The following BAIAP2L2 variants were observed in gnomAD, a reference collection of about 807,000 sequenced individuals.
BAIAP2L2 encodes BAR/IMD domain-containing adapter protein 2-like 2.
A neutral mutation model predicts 60.4 loss-of-function variants in BAIAP2L2; 65 were observed. The observed-to-expected ratio is 1.08, with a 90% CI of 0.88 to 1.32. The LOEUF (loss-of-function observed/expected upper bound fraction) is 1.32, where lower values mean the gene tolerates loss of function less well. BAIAP2L2 is among the 40% of genes most tolerant of loss of function. BAIAP2L2 has a pLI of 0.00. For synonymous variants in BAIAP2L2, 344 were observed against 301.7 expected (o/e 1.14, Z -1.45); for missense variants, 836 against 741.2 (o/e 1.13, Z -1.48).
Position 38,110,635 on chromosome 22 carries a change from G to A in BAIAP2L2, c.-110C>T. 2.3e-6 allele frequency: 2 copies of A among 873,540 alleles called. No individual in the cohort carries two copies. The highest frequency in any genetic ancestry group is 2.8e-5 in the East Asian group (1 of 36,026). The allele number at this position is 873,540 out of a possible 1,614,324, so 54.1% of individuals were successfully genotyped here. A position where few individuals can be genotyped will look rare whatever the true frequency, so the allele number is the denominator to read the frequency against. The stretch of plus-strand genomic sequence containing the variant: ...TGCCCACGACTCAGCTGGCAGCGAG[G>A]AAGCCTCGGAGAGGGACCTGGAGAT... On this transcript the variant is annotated 5_prime_UTR_variant, in exon 1 of 14. Coordinates refer to ENST00000381669, the MANE Select transcript of BAIAP2L2 (RefSeq NM_025045.6).
In BAIAP2L2 at chr22:38,110,529, G is replaced by A. The variant is rs375747519; in HGVS notation, c.-4C>T. ...ACTGGTCCATCTCGGGGGCCATGGA[G>A]GGGCTGTCCCGGGTCTGAGCAGGAG... On this transcript the variant is annotated 5_prime_UTR_variant, in exon 1 of 14. Coordinates refer to ENST00000381669, the MANE Select transcript of BAIAP2L2 (RefSeq NM_025045.6). 27 of 1,609,988 alleles carry A rather than the reference G, an allele frequency of 1.7e-5. No individual in the cohort carries two copies. Among genetic ancestry groups the A allele is most frequent in the African/African-American group, 1.1e-4 (8 of 74,780 alleles).
At chr22:38,086,676 C>G (rs2086084860) in intron 11 of BAIAP2L2, among the ~76,000 whole-genome samples, 1 of 152,008 alleles carries the variant, frequency 6.6e-6, no homozygotes, top group Non-Finnish European at 1.5e-5. Context: ...TCTCCAGGGG[C>G]TGAAGGGGGC....
chr22:38,095,770 A>G (rs1180235636), intron 7 of BAIAP2L2, among the ~76,000 whole-genome samples: 1 of 152,188 alleles, frequency 6.6e-6, no homozygotes, highest in Non-Finnish European at 1.5e-5. Context: ...ATTTTTGGAA[A>G]ATAGGTGGAT....
At chr22:38,094,939 G>A (rs1481152330) in intron 7 of BAIAP2L2, among the ~76,000 whole-genome samples, 1 of 152,086 alleles carries the variant, frequency 6.6e-6, no homozygotes, top group African/African-American at 2.4e-5. Context: ...ATCACCTGAG[G>A]TCAGGAGTTC....
chr22:38,110,705 C>T (rs1444657549), upstream of BAIAP2L2: 5 of 574,798 alleles, frequency 8.7e-6, no homozygotes, highest in East Asian at 6.1e-5. Context: ...TTCACCAACT[C>T]GGGATGTCAG....
Position 38,089,593 on chromosome 22 carries a change from GGGAGTGGGCGCGCGACGGGCT to G in BAIAP2L2, c.673_693del (p.Ser225_Ser231del). The stretch of plus-strand genomic sequence containing the variant: ...CCCAGCGCGGGGCCCAGCAGGCCGG[GGGAGTGGGCGCGCGACGGGCT>G]GCGGCTGGCCTCAGACTGCTCCTTC... On this transcript the variant is annotated inframe_deletion, in exon 8 of 14. Transcript: ENST00000381669. The G allele has an allele frequency of 1.6e-6, 2 of 1,234,878 alleles. No individual in the cohort carries two copies. The highest frequency in any genetic ancestry group is 2.0e-6 in the Non-Finnish European group (2 of 991,020). The allele number at this position is 1,234,878 out of a possible 1,614,324, so 76.5% of individuals were successfully genotyped here.
chr22:38,107,338 C>T (rs1049797684), intron 4 of BAIAP2L2, among the ~76,000 whole-genome samples: 4 of 152,078 alleles, frequency 2.6e-5, no homozygotes, highest in Non-Finnish European at 5.9e-5. Context: ...AGCCCCGCAG[C>T]GGGGACACCA....
intron 7 of BAIAP2L2, chr22:38,090,098 C>CTTTTTTTT (rs2086248031): frequency 1.1e-5 from 1 of 89,108 alleles, no homozygotes; most frequent in African/African-American, 4.6e-5. Flanking sequence ...ATGGAAAATG[C>CTTTTTTTT]ATTTTTTTTT....
chr22:38,109,044 G>A (rs2086730832), intron 2 of BAIAP2L2, 89 bp downstream of exon 2: 3 of 1,124,530 alleles, frequency 2.7e-6, no homozygotes, highest in South Asian at 2.5e-5. Context: ...ATGAACAGGT[G>A]TGGGATGCAG....
At chr22:38,089,493 A>G (rs2086225497) in intron 8 of BAIAP2L2, 29 bp downstream of exon 8, 1 of 1,181,224 alleles carries the variant, frequency 8.5e-7, no homozygotes, top group Non-Finnish European at 1.0e-6. Flanking sequence ...CGGGGGCGCG[A>G]ACGGCGGCGG....
chr22:38,090,124 T>TTTATTTTTA (rs2086259271), intron 7 of BAIAP2L2: 2 of 93,376 alleles, frequency 2.1e-5, no homozygotes, highest in Non-Finnish European at 4.7e-5. Flanking sequence ...TTTTTTTTTT[T>TTTATTTTTA]TTTTTAGACG....
At chr22:38,089,451 G>C (rs1226858397) in intron 8 of BAIAP2L2, 71 bp downstream of exon 8, 1 of 882,164 alleles carries the variant, frequency 1.1e-6, no homozygotes, top group Admixed American at 4.6e-5. Flanking sequence ...CCAGGCTGGG[G>C]GCCTGAGGCC....
rs2086020394 is a variant in BAIAP2L2 at position 38,085,239 on chromosome 22, A to G, written c.*61T>C. 6.5e-7 allele frequency: 1 copy of G among 1,549,306 alleles called. No homozygotes were observed. Among genetic ancestry groups the G allele is most frequent in the Non-Finnish European group, 8.9e-7 (1 of 1,125,898 alleles). ...TGCTGCTGTTGCTGCTGTCGCTGCC[A>G]TTGCCAGCTCTGAACAGCCCCTGGG... On this transcript the variant is annotated 3_prime_UTR_variant, in exon 14 of 14. Transcript: ENST00000381669.
At chr22:38,105,904 G>A (rs2086656840) in intron 4 of BAIAP2L2, among the ~76,000 whole-genome samples, 2 of 152,162 alleles carry the variant, frequency 1.3e-5, no homozygotes, top group Non-Finnish European at 2.9e-5. Context: ...GGTGGCCTCT[G>A]GCACTGTTCT....
chr22:38,087,095 C>T lies in BAIAP2L2; in HGVS notation c.1259+29G>A, dbSNP rs764314207. 2.0e-6 allele frequency: 3 copies of T among 1,515,554 alleles called. No homozygotes were observed. The Admixed American group carries it at 7.4e-5, about 37-fold the overall frequency. 93.9% of individuals were successfully genotyped at this position (1,515,554 alleles called of 1,614,324 possible). ...GTGACACCCTTGCCGGCGTCCTCAC[C>T]CCCGCCCCACCCCTGATGACTCAGG... On this transcript the variant is annotated intron_variant, in intron 11 of 13. Coordinates refer to ENST00000381669, the MANE Select transcript of BAIAP2L2 (RefSeq NM_025045.6).
At chr22:38,107,645 A>G (rs2086691028) in intron 4 of BAIAP2L2, among the ~76,000 whole-genome samples, 1 of 152,110 alleles carries the variant, frequency 6.6e-6, no homozygotes, top group African/African-American at 2.4e-5. Flanking sequence ...CCTCTATAAA[A>G]TGGAGGCAGA....
intron 4 of BAIAP2L2, among the ~76,000 whole-genome samples, chr22:38,102,532 T>G (rs1416512898): frequency 6.6e-6 from 1 of 151,916 alleles, no homozygotes; most frequent in Non-Finnish European, 1.5e-5. Context: ...AGAAAGTTAT[T>G]ATTAGAAAAA....
intron 7 of BAIAP2L2, among the ~76,000 whole-genome samples, chr22:38,089,905 G>A (rs1436977182): frequency 1.3e-5 from 2 of 151,872 alleles, no homozygotes; most frequent in African/African-American, 2.4e-5. Flanking sequence ...CGCTTCCCGC[G>A]TCAATGTGTG....
At chr22:38,109,879 C>G (rs1009926035) in intron 1 of BAIAP2L2, among the ~76,000 whole-genome samples, 1 of 151,294 alleles carries the variant, frequency 6.6e-6, no homozygotes, top group Admixed American at 6.6e-5. Context: ...ATCTATCAAG[C>G]AGGGTGGTCA....
Sources: allele counts gnomAD v4.1 joint callset (sites outside exome capture counted in the v4.1 genomes callset), GRCh38; gene constraint gnomAD v4.1.1; transcripts MANE v1.5; gene names NCBI Gene and HGNC (gene_info 2026-07-23, HGNC 2026-07-21).